The following MTMR7 variants were observed in gnomAD, a reference collection of about 807,000 sequenced individuals.
MTMR7 encodes myotubularin related protein 7.
MTMR7 carries 76 observed loss-of-function variants against 81.2 expected under a neutral mutation model. The observed-to-expected ratio is 0.94, with a 90% CI of 0.78 to 1.13. MTMR7 has a LOEUF of 1.13. Ranked by LOEUF, MTMR7 falls within the 50% of genes most tolerant of loss-of-function variation. MTMR7 has a pLI of 0.00. For missense variants in MTMR7, 1,044 were observed against 820.0 expected (o/e 1.27, Z -3.34); for synonymous variants, 372 against 289.8 (o/e 1.28, Z -2.88).
chr8:17,360,997 A>G (rs766913921), intron 4 of MTMR7, 120 bp downstream of exon 4: 5 of 1,132,054 alleles, frequency 4.4e-6, no homozygotes, highest in Non-Finnish European at 6.3e-6. Flanking sequence ...AGACCTGGAA[A>G]TCCACATATG....
chr8:17,299,709 A>C lies in MTMR7; in HGVS notation c.*153T>G. The C allele has an allele frequency of 9.8e-7, 1 of 1,020,302 alleles. No individual in the cohort carries two copies. The highest frequency in any genetic ancestry group is 1.4e-6 in the Non-Finnish European group (1 of 705,892). The allele number at this position is 1,020,302 out of a possible 1,614,324, so 63.2% of individuals were successfully genotyped here. A position where few individuals can be genotyped will look rare whatever the true frequency, so the allele number is the denominator to read the frequency against. Reference sequence around the variant, plus strand: ...CGTCCTCTTCAGTATCTAAGAAATCAAGAACTGGGCACTTTTTTCCCTTTT... The same window carrying C: ...CGTCCTCTTCAGTATCTAAGAAATCCAGAACTGGGCACTTTTTTCCCTTTT... On this transcript the variant is annotated 3_prime_UTR_variant, in exon 14 of 14. Transcript: ENST00000180173.
chr8:17,337,879 G>T (rs1433524697), intron 6 of MTMR7, among the ~76,000 whole-genome samples: 1 of 152,162 alleles, frequency 6.6e-6, no homozygotes, highest in South Asian at 2.1e-4. Context: ...GCTTTCATCT[G>T]AACAGGCAGC....
At chr8:17,405,226 T>A (rs1444462846) in intron 1 of MTMR7, among the ~76,000 whole-genome samples, 6 of 152,182 alleles carry the variant, frequency 3.9e-5, no homozygotes, top group Admixed American at 3.9e-4. Context: ...TGTCAAGAAC[T>A]AGGAAGTGTT....
intron 1 of MTMR7, among the ~76,000 whole-genome samples, chr8:17,377,417 C>A (rs1820623039): frequency 6.6e-6 from 1 of 152,046 alleles, no homozygotes; most frequent in Admixed American, 6.6e-5. Context: ...ATTCCTAATA[C>A]TGTGAATTGT....
intron 1 of MTMR7, among the ~76,000 whole-genome samples, chr8:17,390,085 A>G (rs1585116017): frequency 1.2e-5 from 1 of 83,356 alleles, no homozygotes; most frequent in African/African-American, 3.0e-5. Context: ...AAAAAAAAAA[A>G]AAAGAAATCC....
At chr8:17,343,200 G>T (rs1371466040) in intron 5 of MTMR7, among the ~76,000 whole-genome samples, 4 of 152,144 alleles carry the variant, frequency 2.6e-5, no homozygotes, top group African/African-American at 9.7e-5. Flanking sequence ...GCCGAGGCGG[G>T]GGGATAACTT....
chr8:17,324,916 C>T (rs1249564437), intron 7 of MTMR7, among the ~76,000 whole-genome samples: 1 of 152,178 alleles, frequency 6.6e-6, no homozygotes, highest in East Asian at 1.9e-4. Flanking sequence ...CCAACCTTTA[C>T]AGCTTTTCAT....
chr8:17,384,340 G>A (rs1037713225), intron 1 of MTMR7, among the ~76,000 whole-genome samples: 1 of 152,178 alleles, frequency 6.6e-6, no homozygotes, highest in African/African-American at 2.4e-5. Flanking sequence ...GAGCCCAGGA[G>A]TTTGAGGTTA....
chr8:17,334,797 G>A (rs182488300), intron 6 of MTMR7, among the ~76,000 whole-genome samples: 8 of 152,318 alleles, frequency 5.3e-5, no homozygotes, highest in South Asian at 4.1e-4. Context: ...CAGTGACAAT[G>A]ACAGGAGTTG....
At chr8:17,348,810 G>C (rs981851341) in intron 5 of MTMR7, 143 bp downstream of exon 5, 1 of 938,678 alleles carries the variant, frequency 1.1e-6, no homozygotes, top group Non-Finnish European at 1.6e-6. Context: ...GTTGTATCAT[G>C]TCATACCATG....
chr8:17,409,288 T>C (rs552014067), intron 1 of MTMR7, among the ~76,000 whole-genome samples: 6 of 152,210 alleles, frequency 3.9e-5, no homozygotes, highest in South Asian at 4.1e-4. Flanking sequence ...GTGAAACCCC[T>C]GTCTCTACTA....
rs750009089 is a variant in MTMR7 at position 17,341,413 on chromosome 8, T to C, written c.682A>G (p.Lys228Glu). Residue 228 changes from lysine (K) to glutamate (E), a missense_variant, in exon 6 of 14, where the codon AAA (lysine) becomes GAA (glutamate). Transcript: ENST00000180173. ...ACGAAGTCACTTCCTGGATTGGCTT[T>C]CCTAATGGCCTGGAGCATCTGCTCG... ...EDEQMLQAIR[K>E]ANPGSDFVYV... The C allele has an allele frequency of 1.9e-6, 3 of 1,614,088 alleles. No homozygotes were observed. Among genetic ancestry groups the C allele is most frequent in the Admixed American group, 1.7e-5 (1 of 60,008 alleles).
At chr8:17,336,593 G>A (rs1187923208) in intron 6 of MTMR7, among the ~76,000 whole-genome samples, 1 of 152,146 alleles carries the variant, frequency 6.6e-6, no homozygotes, top group Non-Finnish European at 1.5e-5. Flanking sequence ...AACATCCCAC[G>A]TGACATCCTG....
chr8:17,378,055 G>A (rs35401922), intron 1 of MTMR7, among the ~76,000 whole-genome samples: 13,656 of 152,174 alleles, frequency 0.09, 874 homozygotes, highest in Non-Finnish European at 0.14. Flanking sequence ...GCTCAGTGGA[G>A]CAGAATAAGG....
chr8:17,349,363 A>T (rs111582642), intron 4 of MTMR7: 7 of 264,012 alleles, frequency 2.7e-5, no homozygotes, highest in African/African-American at 1.1e-4. Flanking sequence ...GTGACAATGA[A>T]GCCTTCCTTT....
chr8:17,334,467 T>C (rs188748777), intron 6 of MTMR7, among the ~76,000 whole-genome samples: 3 of 152,312 alleles, frequency 2.0e-5, no homozygotes, highest in Admixed American at 2.0e-4. Flanking sequence ...GCAATAAAGG[T>C]AGTCACTTCA....
chr8:17,320,292 G>C (rs1049424652), intron 7 of MTMR7, among the ~76,000 whole-genome samples: 1 of 152,124 alleles, frequency 6.6e-6, no homozygotes, highest in Non-Finnish European at 1.5e-5. Flanking sequence ...CTGATCAAAA[G>C]TCTTCAAACA....
chr8:17,393,860 G>A (rs530812673), intron 1 of MTMR7, among the ~76,000 whole-genome samples: 22 of 152,162 alleles, frequency 1.4e-4, no homozygotes, highest in African/African-American at 4.6e-4. Context: ...TAACACAAAC[G>A]TTGAAGATAA....
chr8:17,345,053 A>G (rs1819510090), intron 5 of MTMR7, among the ~76,000 whole-genome samples: 1 of 152,242 alleles, frequency 6.6e-6, no homozygotes, highest in Non-Finnish European at 1.5e-5. Context: ...CCGAACGCAC[A>G]TGACTAAGCA....
Sources: allele counts gnomAD v4.1 joint callset (sites outside exome capture counted in the v4.1 genomes callset), GRCh38; gene constraint gnomAD v4.1.1; transcripts MANE v1.5; gene names NCBI Gene and HGNC (gene_info 2026-07-23, HGNC 2026-07-21).